The following TNS1 variants were observed in gnomAD, a reference collection of about 807,000 sequenced individuals.
TNS1 encodes tensin-1.
In TNS1, 62 loss-of-function variants were observed where a neutral mutation model predicts 168.6. The observed-to-expected ratio is 0.37, with a 90% CI of 0.30 to 0.45. TNS1 has a LOEUF of 0.45. Ranked by LOEUF, TNS1 falls within the 20% of genes least tolerant of loss-of-function variation. The pLI is 1.00. For synonymous variants in TNS1, 934 were observed against 933.2 expected (o/e 1.00, Z -0.02); for missense variants, 2,240 against 2,339.4 (o/e 0.96, Z 0.88).
intron 32 of TNS1, among the ~76,000 whole-genome samples, chr2:217,805,041 C>A (rs1938230637): frequency 6.6e-6 from 1 of 151,822 alleles, no homozygotes; most frequent in Non-Finnish European, 1.5e-5. Context: ...TCAGCCTCCT[C>A]AGACACCACA....
chr2:218,031,898 G>A (rs1958902750), intron 1 of TNS1, among the ~76,000 whole-genome samples: 2 of 152,222 alleles, frequency 1.3e-5, no homozygotes, highest in African/African-American at 2.4e-5. Flanking sequence ...AGAAACGGAA[G>A]AGGCAACAGC....
intron 27 of TNS1, 39 bp from the exon 28 acceptor site, chr2:217,812,484 T>A: frequency 6.3e-7 from 1 of 1,578,940 alleles, no homozygotes; most frequent in African/African-American, 1.3e-5. Context: ...GCAGTGATAC[T>A]GGAAGCCAGA....
intron 4 of TNS1, among the ~76,000 whole-genome samples, chr2:217,919,549 G>A (rs1955503665): frequency 6.6e-6 from 1 of 152,340 alleles, no homozygotes; most frequent in African/African-American, 2.4e-5. Flanking sequence ...GGGTGAGAAG[G>A]TGGCGAGAGG....
intron 18 of TNS1, among the ~76,000 whole-genome samples, chr2:217,863,939 C>G (rs1949024704): frequency 6.6e-6 from 1 of 152,182 alleles, no homozygotes; most frequent in Non-Finnish European, 1.5e-5. Flanking sequence ...TGCCTCCCAG[C>G]CCAGTGGACA....
rs533090035 is a variant in TNS1, at chr2:217,921,285, G to A, written c.187-1049C>T. On this transcript the variant is annotated intron_variant, in intron 3 of 32. Transcript: ENST00000682258. ...GGCACAGAGTGGGAGACTGTCCCTCGGGCATGAGGTTATCTGGGAACAAGC... is the reference window on the plus strand; with the variant it reads ...GGCACAGAGTGGGAGACTGTCCCTCAGGCATGAGGTTATCTGGGAACAAGC... Among the ~76,000 whole-genome samples the A allele has an allele frequency of 5.3e-5, 8 of 152,256 alleles. 1 individual carries two copies. The South Asian group carries it at 8.3e-4, about 16-fold the overall frequency.
intron 3 of TNS1, among the ~76,000 whole-genome samples, chr2:217,954,886 C>G (rs1957324147): frequency 6.6e-6 from 1 of 152,244 alleles, no homozygotes; most frequent in Admixed American, 6.5e-5. Context: ...TTGGCAAACA[C>G]TTGCCCCCAC....
rs1286147389 is a variant in TNS1, at chr2:217,895,067, C to A, written c.544-11G>T. On this transcript the variant is annotated splice_polypyrimidine_tract_variant and intron_variant, in intron 8 of 32. Coordinates refer to ENST00000682258, the MANE Select transcript of TNS1 (RefSeq NM_001387777.1). ...AGAGAGGTTGAACAGCTAGAAGGAG[C>A]AAAAGGAAGAGAGCATGAGGAGGTG... is the stretch of plus-strand genomic sequence containing the variant. The A allele has an allele frequency of 6.2e-7, 1 of 1,608,646 alleles. No individual in the cohort carries two copies. The highest frequency in any genetic ancestry group is 1.7e-5 in the Admixed American group (1 of 59,420).
At chr2:217,835,653 G>T (rs1279058760) in intron 20 of TNS1, among the ~76,000 whole-genome samples, 1 of 152,122 alleles carries the variant, frequency 6.6e-6, no homozygotes, top group Non-Finnish European at 1.5e-5. Flanking sequence ...AATCTCCTGA[G>T]AAAAACCTTA....
At chr2:218,025,972 G>A (rs911784288) in intron 1 of TNS1, among the ~76,000 whole-genome samples, 5 of 152,164 alleles carry the variant, frequency 3.3e-5, no homozygotes, top group African/African-American at 1.2e-4. Flanking sequence ...TTGGGGTCAG[G>A]TTACATTGCG....
rs1354830344 is a variant in TNS1 at position 217,895,131 on chromosome 2, C to T, written c.544-75G>A. 5 of 1,423,620 alleles carry T rather than the reference C, an allele frequency of 3.5e-6. No individual in the cohort carries two copies. In the African/African-American group the frequency reaches 4.2e-5, roughly 12 times the overall value. 88.2% of individuals were successfully genotyped at this position (1,423,620 alleles called of 1,614,324 possible). A position where few individuals can be genotyped will look rare whatever the true frequency, so the allele number is the denominator to read the frequency against. On this transcript the variant is annotated intron_variant, in intron 8 of 32. Coordinates refer to ENST00000682258, the MANE Select transcript of TNS1 (RefSeq NM_001387777.1). ...CGGCGAGGAGAGAGAGAACCATGGCCTGCTGGTCCCAGAAAGGACCGTGGC... is the reference window on the plus strand; with the variant it reads ...CGGCGAGGAGAGAGAGAACCATGGCTTGCTGGTCCCAGAAAGGACCGTGGC...
chr2:217,906,329 A>G lies in TNS1; in HGVS notation c.321+6T>C, dbSNP rs1953699539. On this transcript the variant is annotated splice_donor_region_variant and intron_variant, in intron 6 of 32. Coordinates refer to ENST00000682258, the MANE Select transcript of TNS1 (RefSeq NM_001387777.1). ...CCCCATCCTTCTTCTCCCCATCCAC[A>G]CTCACGTTGTCCTCGAGGCTTTTCC... The G allele has an allele frequency of 1.5e-6, 1 of 648,952 alleles. No homozygotes were observed. The highest frequency in any genetic ancestry group is 2.8e-6 in the Non-Finnish European group (1 of 358,666). The allele number at this position is 648,952 out of a possible 1,614,324, so 40.2% of individuals were successfully genotyped here.
rs144080200 is a variant in TNS1, at chr2:217,905,238, C to T, written c.321+1097G>A. 490 of 283,054 alleles carry T rather than the reference C, an allele frequency of 1.7e-3. 4 individuals are homozygous for T. Among genetic ancestry groups the T allele is most frequent in the African/African-American group, 9.6e-3 (432 of 45,028 alleles). The allele number at this position is 283,054 out of a possible 1,614,324, so 17.5% of individuals were successfully genotyped here. ...CCCCAGTCCCAGAAACATCACAAAG[C>T]GGGACAAGGGCCCCTCCCCAGTATG... On this transcript the variant is annotated intron_variant, in intron 6 of 32. Transcript: ENST00000682258.
Position 217,890,968 on chromosome 2 carries a change from T to A in TNS1, c.860A>T (p.Gln287Leu). The A allele has an allele frequency of 6.2e-7, 1 of 1,614,200 alleles. No individual in the cohort carries two copies. The highest frequency in any genetic ancestry group is 8.5e-7 in the Non-Finnish European group (1 of 1,180,040). Residue 287 changes from glutamine (Q) to leucine (L), a missense_variant, in exon 12 of 33, where the codon CAA (glutamine) becomes CTA (leucine). Physicochemically the swap from Gln to Leu is moderately radical, Grantham distance 113. This residue lies in a region of TNS1 where 2,131 missense variants were observed against 2,171.2 expected (regional missense o/e 0.98). Transcript: ENST00000682258. ...GTGAGCCCCAGAGACCCACCTTCTT[T>A]GGGATGGCTGGCCAATGGGCACAAT... Reference protein sequence around the residue: ...DKIVPIGQPSQRRYVHYFSGL... With the variant: ...DKIVPIGQPSLRRYVHYFSGL...
At chr2:217,900,086 A>G (rs960189818) in intron 7 of TNS1, among the ~76,000 whole-genome samples, 3 of 152,096 alleles carry the variant, frequency 2.0e-5, no homozygotes, top group East Asian at 1.9e-4. Flanking sequence ...ACAGGCCTCA[A>G]TGCTCATCAG....
chr2:217,945,405 G>C (rs1000307386), intron 3 of TNS1, among the ~76,000 whole-genome samples: 5 of 152,292 alleles, frequency 3.3e-5, no homozygotes, highest in Middle Eastern at 3.4e-3. Flanking sequence ...ACTTTGGAGG[G>C]CTGCCTCGCC....
chr2:217,840,290 T>C (rs1483523180), intron 19 of TNS1, among the ~76,000 whole-genome samples: 1 of 152,220 alleles, frequency 6.6e-6, no homozygotes, highest in Non-Finnish European at 1.5e-5. Context: ...GGTGATTCCC[T>C]GGCCAGGGCT....
rs1958188334 is a variant in TNS1, at chr2:217,986,182, T to A, written c.148+4760A>T. Among the ~76,000 whole-genome samples, 1 of 152,128 alleles carries A rather than the reference T, an allele frequency of 6.6e-6. No individual in the cohort carries two copies. The highest frequency in any genetic ancestry group is 1.5e-5 in the Non-Finnish European group (1 of 68,000). On this transcript the variant is annotated intron_variant, in intron 2 of 32. Coordinates refer to ENST00000682258, the MANE Select transcript of TNS1 (RefSeq NM_001387777.1). The surrounding 1 kb of genome is among the most constrained non-coding windows in gnomAD (Gnocchi z 4.7). ...GGTCTTCCCACCCTACCAGGCTACC[T>A]CTGGTGGCTCCAAGGAGGCCCTCAG...
chr2:217,888,116 G>C (rs578177058), intron 12 of TNS1, among the ~76,000 whole-genome samples: 1 of 152,158 alleles, frequency 6.6e-6, no homozygotes, highest in Admixed American at 6.5e-5. Context: ...GGCAGCACCC[G>C]ATCCTATTCA....
At chr2:217,820,016 G>T (rs146478730) in intron 23 of TNS1, among the ~76,000 whole-genome samples, 124 of 152,288 alleles carry the variant, frequency 8.1e-4, no homozygotes, top group African/African-American at 2.8e-3. Flanking sequence ...CAAGGAGAAG[G>T]TCAGGGGCCA....
Sources: allele counts gnomAD v4.1 joint callset (sites outside exome capture counted in the v4.1 genomes callset), GRCh38; gene constraint gnomAD v4.1.1; regional missense constraint gnomAD v4.1.1; non-coding constraint Gnocchi (gnomAD v3.1); transcripts MANE v1.5; gene names NCBI Gene and HGNC (gene_info 2026-07-23, HGNC 2026-07-21).